The following BICC1 variants were observed in gnomAD, a reference collection of about 807,000 sequenced individuals.
The protein encoded by BICC1 is BicC family RNA binding protein 1, also known as protein bicaudal C homolog 1.
BICC1 carries 43 observed loss-of-function variants against 111.0 expected under a neutral mutation model. That is an observed-to-expected ratio of 0.39 (90% CI 0.30 to 0.50). The LOEUF (loss-of-function observed/expected upper bound fraction) is 0.50. BICC1 is among the 20% of genes least tolerant of loss of function. The probability of loss-of-function intolerance (pLI) is 0.88; values close to 1 mark genes in which losing one functional copy is unlikely to be tolerated. For missense variants in BICC1, 1,091 were observed against 1,203.2 expected (o/e 0.91, Z 1.38); for synonymous variants, 467 against 434.4 (o/e 1.07, Z -0.93).
intron 3 of BICC1, among the ~76,000 whole-genome samples, chr10:58,784,313 G>A (rs947090229): frequency 1.3e-5 from 2 of 152,186 alleles, no homozygotes; most frequent in Admixed American, 6.5e-5. Flanking sequence ...TTTGGTGAAT[G>A]AATGAATGCT....
At chr10:58,597,554 T>A (rs1844857034) in intron 1 of BICC1, among the ~76,000 whole-genome samples, 2 of 152,122 alleles carry the variant, frequency 1.3e-5, no homozygotes, top group Admixed American at 6.6e-5. Context: ...AGAACCAGTG[T>A]GACCACAAAT....
intron 2 of BICC1, among the ~76,000 whole-genome samples, chr10:58,654,635 C>G (rs1482964209): frequency 1.2e-5 from 1 of 85,170 alleles, no homozygotes; most frequent in Non-Finnish European, 2.5e-5. Flanking sequence ...TGTAGGTTGC[C>G]TGTTCACTCT....
chr10:58,644,547 G>A (rs1588965656), intron 2 of BICC1, among the ~76,000 whole-genome samples: 1 of 152,296 alleles, frequency 6.6e-6, no homozygotes, highest in African/African-American at 2.4e-5. Flanking sequence ...TCCTATACGT[G>A]CCTTGTGGCA....
At chr10:58,682,275 C>T (rs577491190) in intron 2 of BICC1, among the ~76,000 whole-genome samples, 9 of 152,062 alleles carry the variant, frequency 5.9e-5, no homozygotes, top group African/African-American at 2.2e-4. Flanking sequence ...CATTGATGAA[C>T]ATTTGGGTTG....
At chr10:58,698,691 A>G (rs1174047041) in intron 2 of BICC1, among the ~76,000 whole-genome samples, 2 of 152,166 alleles carry the variant, frequency 1.3e-5, no homozygotes, top group Non-Finnish European at 2.9e-5. Flanking sequence ...TCTGACCAAA[A>G]GTTATTAATA....
rs76892498 is a variant in BICC1 at position 58,667,951 on chromosome 10, T to G, written c.238-34123T>G. 7.5e-4 allele frequency among the ~76,000 whole-genome samples: 114 copies of G among 152,226 alleles called. 1 individual carries two copies. The East Asian group carries it at 0.021, about 28-fold the overall frequency. ...AGAGGTAAAGCACATATTTATGAAGTGTTCATGGATACCAGATGTTCAATA... is the reference window on the plus strand; with the variant it reads ...AGAGGTAAAGCACATATTTATGAAGGGTTCATGGATACCAGATGTTCAATA... On this transcript the variant is annotated intron_variant, in intron 2 of 20. Coordinates refer to ENST00000373886, the MANE Select transcript of BICC1 (RefSeq NM_001080512.3).
At chr10:58,537,435 C>T (rs953256514) in intron 1 of BICC1, among the ~76,000 whole-genome samples, 1 of 151,512 alleles carries the variant, frequency 6.6e-6, no homozygotes, top group African/African-American at 2.4e-5. Context: ...AATCTGGTAT[C>T]CCTTTATGAT....
chr10:58,530,529 A>G (rs1436297276), intron 1 of BICC1, among the ~76,000 whole-genome samples: 1 of 151,772 alleles, frequency 6.6e-6, no homozygotes, highest in Non-Finnish European at 1.5e-5. Context: ...ATAAAGAAGT[A>G]TGTTTAGTGT....
At chr10:58,710,280 CTG>C (rs1401901841) in intron 3 of BICC1, among the ~76,000 whole-genome samples, 1 of 152,172 alleles carries the variant, frequency 6.6e-6, no homozygotes, top group African/African-American at 2.4e-5. Flanking sequence ...CTCCAAATCA[CTG>C]TACTCAAATG....
intron 1 of BICC1, among the ~76,000 whole-genome samples, chr10:58,513,541 C>T (rs1216492392): frequency 6.6e-6 from 1 of 152,204 alleles, no homozygotes; most frequent in Non-Finnish European, 1.5e-5. Flanking sequence ...TTTCCAGGCG[C>T]TGGGGGCCCT....
At chr10:58,665,093 C>A (rs10733984) in intron 2 of BICC1, among the ~76,000 whole-genome samples, 149,269 of 152,164 alleles carry the variant, frequency 0.98, 73,302 homozygotes, top group Middle Eastern at 1. Flanking sequence ...TAGACTACTG[C>A]TTGTTATTAC....
At chr10:58,782,230 C>A (rs896016184) in intron 3 of BICC1, among the ~76,000 whole-genome samples, 1 of 152,110 alleles carries the variant, frequency 6.6e-6, no homozygotes, top group Non-Finnish European at 1.5e-5. Flanking sequence ...ATACGAGGCT[C>A]CCTGTCCCTC....
intron 3 of BICC1, among the ~76,000 whole-genome samples, chr10:58,716,711 T>C (rs935848409): frequency 6.8e-6 from 1 of 147,362 alleles, no homozygotes; most frequent in African/African-American, 2.7e-5. Flanking sequence ...CCTTACTCTG[T>C]AAGATAAGTG....
chr10:58,662,400 T>C (rs994567618), intron 2 of BICC1, among the ~76,000 whole-genome samples: 14 of 152,202 alleles, frequency 9.2e-5, no homozygotes, highest in African/African-American at 3.1e-4. Flanking sequence ...GGAGGTTAAA[T>C]TAAAAACTTA....
chr10:58,525,650 C>G (rs986931613), intron 1 of BICC1, among the ~76,000 whole-genome samples: 1 of 149,474 alleles, frequency 6.7e-6, no homozygotes, highest in African/African-American at 2.4e-5. Flanking sequence ...CAACATGGCA[C>G]ATGTATACAT....
intron 3 of BICC1, among the ~76,000 whole-genome samples, chr10:58,724,391 G>A (rs557989062): frequency 2.4e-4 from 36 of 152,142 alleles, no homozygotes; most frequent in South Asian, 2.3e-3. Context: ...GTGTGTGTGT[G>A]TATATGTGTG....
At chr10:58,738,809 T>A (rs1362635488) in intron 3 of BICC1, among the ~76,000 whole-genome samples, 1 of 152,026 alleles carries the variant, frequency 6.6e-6, no homozygotes, top group East Asian at 1.9e-4. Flanking sequence ...TTCACATCTC[T>A]TGTAAGTTGG....
chr10:58,552,190 CAG>C (rs1843312874), intron 1 of BICC1, among the ~76,000 whole-genome samples: 1 of 151,822 alleles, frequency 6.6e-6, no homozygotes, highest in Admixed American at 6.6e-5. Context: ...TGGTTACCTA[CAG>C]TGTTTGAGGG....
At position 58,800,179 on chromosome 10, in the gene BICC1, C is replaced by T; in HGVS notation, c.1726-15C>T. On this transcript the variant is annotated splice_polypyrimidine_tract_variant and intron_variant, in intron 12 of 20. Transcript: ENST00000373886. ...TGTGACCATATTTATACATTATTTTCTATTATTATTTTAGTCTCCAGATAT... is the reference window on the plus strand; with the variant it reads ...TGTGACCATATTTATACATTATTTTTTATTATTATTTTAGTCTCCAGATAT... The T allele has an allele frequency of 6.4e-7, 1 of 1,552,670 alleles. No individual in the cohort carries two copies.
Sources: gnomAD v4.1 joint callset for allele counts (sites outside exome capture counted in the v4.1 genomes callset) on GRCh38, gnomAD v4.1.1 for gene constraint, MANE v1.5 for transcripts, NCBI Gene and HGNC (gene_info 2026-07-23, HGNC 2026-07-21) for gene names.